CCDC102B: variants seen among roughly 807,000 people sequenced by gnomAD.
CCDC102B encodes coiled-coil domain containing 102B, also known as coiled-coil domain-containing protein 102B.
CCDC102B carries 75 observed loss-of-function variants against 57.4 expected under a neutral mutation model. The observed-to-expected ratio is 1.31, with a 90% confidence interval of 1.08 to 1.58. The LOEUF is 1.58. CCDC102B is among the 40% of genes most tolerant of loss of function. CCDC102B has a pLI of 0.00. For missense variants in CCDC102B, 636 were observed against 582.6 expected, an observed-to-expected ratio of 1.09 and a Z score of -0.94; for synonymous variants, 206 against 201.9, an observed-to-expected ratio of 1.02 and a Z score of -0.17.
At chr18:68,897,762 C>A in intron 6 of CCDC102B, 5 of 595,880 alleles carry the variant, frequency 8.4e-6, no homozygotes, top group East Asian at 6.4e-5. Context: ...ATCTTATTTC[C>A]AATAAAGATT....
chr18:68,973,962 C>G (rs1167334387), intron 6 of CCDC102B, among the ~76,000 whole-genome samples: 1 of 152,084 alleles, frequency 6.6e-6, no homozygotes, highest in East Asian at 1.9e-4. Context: ...AACATCAAGT[C>G]TTCTCCAAAG....
At chr18:68,956,107 C>T (rs985027440) in intron 6 of CCDC102B, among the ~76,000 whole-genome samples, 1 of 151,166 alleles carries the variant, frequency 6.6e-6, no homozygotes, top group African/African-American at 2.4e-5. Context: ...AACAAAATGA[C>T]CTCCAGTTCC....
chr18:68,789,453 G>A (rs1456352387), intron 2 of CCDC102B, among the ~76,000 whole-genome samples: 3 of 152,088 alleles, frequency 2.0e-5, no homozygotes, highest in East Asian at 1.9e-4. Flanking sequence ...TCTCCCCATC[G>A]CTTTCAGGTA....
intron 2 of CCDC102B, among the ~76,000 whole-genome samples, chr18:68,788,838 T>C (rs1181801243): frequency 1.3e-5 from 2 of 152,160 alleles, no homozygotes; most frequent in East Asian, 3.9e-4. Context: ...CATTTAAAGT[T>C]AATATTGTTA....
intron 2 of CCDC102B, among the ~76,000 whole-genome samples, chr18:68,727,478 T>C (rs2032650329): frequency 6.6e-6 from 1 of 152,194 alleles, no homozygotes; most frequent in South Asian, 2.1e-4. Flanking sequence ...CAGGCAAATG[T>C]TCATAGAAAT....
At chr18:69,043,107 C>T (rs1189012273) in intron 7 of CCDC102B, among the ~76,000 whole-genome samples, 1 of 152,082 alleles carries the variant, frequency 6.6e-6, no homozygotes, top group Non-Finnish European at 1.5e-5. Context: ...AGCAGACAAA[C>T]ATGTGAACAA....
intron 6 of CCDC102B, among the ~76,000 whole-genome samples, chr18:68,933,371 A>G (rs2145146639): frequency 6.6e-6 from 1 of 151,992 alleles, no homozygotes; most frequent in East Asian, 1.9e-4. Context: ...TTTACCTATC[A>G]ATTATTTTTA....
chr18:68,767,443 G>T (rs1466808130), intron 2 of CCDC102B, among the ~76,000 whole-genome samples: 1 of 152,210 alleles, frequency 6.6e-6, no homozygotes, highest in Non-Finnish European at 1.5e-5. Flanking sequence ...GGAATCCACT[G>T]TCACCTTGTT....
intron 5 of CCDC102B, among the ~76,000 whole-genome samples, chr18:68,883,160 C>T (rs2039753358): frequency 6.6e-6 from 1 of 152,082 alleles, no homozygotes; most frequent in Non-Finnish European, 1.5e-5. Context: ...GTGGCTCATG[C>T]CTGTAACTCC....
chr18:68,874,470 T>C (rs2039364750), intron 4 of CCDC102B, among the ~76,000 whole-genome samples, 199 bp from the exon 5 acceptor site: 1 of 151,638 alleles, frequency 6.6e-6, no homozygotes, highest in Admixed American at 6.6e-5. Context: ...GATTTTTTTT[T>C]ACAGGTTAGC....
intron 2 of CCDC102B, among the ~76,000 whole-genome samples, chr18:68,767,030 T>C (rs2034492021): frequency 6.6e-6 from 1 of 152,202 alleles, no homozygotes; most frequent in African/African-American, 2.4e-5. Context: ...AAATGCAGAT[T>C]ATAAAACTGG....
intron 7 of CCDC102B, among the ~76,000 whole-genome samples, chr18:69,047,732 C>T (rs142668770): frequency 1.3e-5 from 2 of 152,178 alleles, no homozygotes; most frequent in East Asian, 1.9e-4. Flanking sequence ...CAGTAGCATT[C>T]TTAAACACCA....
intron 2 of CCDC102B, among the ~76,000 whole-genome samples, chr18:68,763,160 C>CT (rs1389525242): frequency 6.6e-6 from 1 of 151,690 alleles, no homozygotes; most frequent in Admixed American, 6.6e-5. Context: ...CTTTAAAGAC[C>CT]TTTTTTCATG....
intron 2 of CCDC102B, chr18:68,721,528 C>T (rs1294763467): frequency 6.6e-6 from 1 of 151,650 alleles, no homozygotes; most frequent in Non-Finnish European, 1.5e-5. Context: ...GAGCTTCATC[C>T]AGAAAAAATA....
At chr18:68,776,675 G>A (rs1213108322) in intron 2 of CCDC102B, among the ~76,000 whole-genome samples, 1 of 152,088 alleles carries the variant, frequency 6.6e-6, no homozygotes, top group Non-Finnish European at 1.5e-5. Context: ...TGGAGAGTGG[G>A]AGGAGGGAGA....
chr18:68,831,961 T>C (rs1444749213), intron 1 of CCDC102B, among the ~76,000 whole-genome samples: 1 of 152,192 alleles, frequency 6.6e-6, no homozygotes, highest in East Asian at 1.9e-4. Context: ...AAAAACAGAT[T>C]CTTTTTTCTT....
chr18:69,033,709 T>G (rs1434625598), intron 7 of CCDC102B, among the ~76,000 whole-genome samples: 2 of 152,024 alleles, frequency 1.3e-5, no homozygotes, highest in Non-Finnish European at 2.9e-5. Flanking sequence ...TGTATGTTTT[T>G]TTTTCCCTTG....
At chr18:68,777,827 G>C (rs1324377463) in intron 2 of CCDC102B, among the ~76,000 whole-genome samples, 7 of 152,106 alleles carry the variant, frequency 4.6e-5, no homozygotes, top group Non-Finnish European at 1.0e-4. Context: ...TACAGTGATT[G>C]CAATTGTTTT....
intron 6 of CCDC102B, among the ~76,000 whole-genome samples, chr18:68,940,677 A>G (rs1568342305): frequency 6.6e-6 from 1 of 151,916 alleles, no homozygotes; most frequent in Admixed American, 6.6e-5. Context: ...AGAGCTTTGC[A>G]GGTAAGGTAA....
Sources: allele counts gnomAD v4.1 joint callset (sites outside exome capture counted in the v4.1 genomes callset), GRCh38; gene constraint gnomAD v4.1.1; transcripts MANE v1.5; gene names NCBI Gene and HGNC (gene_info 2026-07-23, HGNC 2026-07-21).